Variants in DGCR8 observed in about 807,000 individuals in gnomAD.
DGCR8 encodes DGCR8 microprocessor complex subunit.
A neutral mutation model predicts 78.5 loss-of-function variants in DGCR8; 14 were observed. The observed-to-expected ratio is 0.18, with a 90% confidence interval of 0.12 to 0.28. DGCR8 has a LOEUF of 0.28. Ranked by LOEUF, DGCR8 falls within the 10% of genes least tolerant of loss-of-function variation. The pLI is 1.00. For missense variants in DGCR8, 702 were observed against 1,022.5 expected (o/e 0.69, Z 4.28); for synonymous variants, 399 against 402.4 (o/e 0.99, Z 0.10).
intron 11 of DGCR8, chr22:20,106,963 C>T (rs539408677): frequency 3.5e-6 from 2 of 575,198 alleles, no homozygotes; most frequent in African/African-American, 1.9e-5. Flanking sequence ...CCTCCTCGAA[C>T]AGCCAGCAGA....
chr22:20,090,862 A>C (rs1047447105), intron 5 of DGCR8, among the ~76,000 whole-genome samples: 1 of 152,046 alleles, frequency 6.6e-6, no homozygotes, highest in Non-Finnish European at 1.5e-5. Context: ...CTAGGTTTCT[A>C]TTTGTCTGTA....
chr22:20,096,633 A>C, intron 9 of DGCR8: 1 of 256,318 alleles, frequency 3.9e-6, no homozygotes, highest in Non-Finnish European at 6.1e-6. Flanking sequence ...AGAGTATCTC[A>C]ACACCCCCAA....
chr22:20,107,514 C>T (rs2049784887), intron 12 of DGCR8, 116 bp downstream of exon 12: 3 of 1,336,454 alleles, frequency 2.2e-6, no homozygotes, highest in Non-Finnish European at 3.1e-6. Flanking sequence ...CTCACAGCTG[C>T]CTCTCTCCTG....
chr22:20,106,347 G>A (rs755214472), intron 10 of DGCR8, 70 bp downstream of exon 10: 8 of 1,352,546 alleles, frequency 5.9e-6, no homozygotes, highest in Non-Finnish European at 8.4e-6. Flanking sequence ...TCATATTCTT[G>A]TGGCTGTTTG....
chr22:20,086,984 G>C lies in DGCR8; in HGVS notation c.721-178G>C. ...TGTGTGCCCCTGGACCAGGTGTGTT[G>C]GTGTCAGCTGGTAGCTTCATCCTGT... On this transcript the variant is annotated intron_variant, in intron 2 of 13. Transcript: ENST00000351989. The surrounding 1 kb of genome is among the most constrained non-coding windows in gnomAD (Gnocchi z 6.4). 1 of 836,932 alleles carries C rather than the reference G, an allele frequency of 1.2e-6. No individual in the cohort carries two copies. Among genetic ancestry groups the C allele is most frequent in the African/African-American group, 1.7e-5 (1 of 58,710 alleles). The allele number at this position is 836,932 out of a possible 1,614,324, so 51.8% of individuals were successfully genotyped here.
At chr22:20,092,101 C>T (rs1337882805) in intron 7 of DGCR8, 131 bp downstream of exon 7, 8 of 712,666 alleles carry the variant, frequency 1.1e-5, no homozygotes, top group African/African-American at 1.1e-4. Context: ...TAGAGAGCAG[C>T]GTGCTGCAGA....
rs201262780 is a variant in DGCR8 at position 20,106,688 on chromosome 22, G to A, written c.1986G>A (p.Val662=). 1.2e-6 allele frequency: 2 copies of A among 1,613,414 alleles called. No homozygotes were observed. The highest frequency in any genetic ancestry group is 1.1e-5 in the South Asian group (1 of 91,070). ...EYVMACGKHT[V]RGWCKNKRVG... is the part of the protein sequence containing the mutation. ...TCATGGCGTGTGGCAAGCACACAGT[G>A]CGCGGGTGGTGTAAGGACTCCTTCT... The change falls in exon 11 of 14, where the codon GTG becomes GTA. Residue 662 remains valine, a synonymous_variant. Transcript: ENST00000351989.
intron 9 of DGCR8, among the ~76,000 whole-genome samples, chr22:20,098,598 C>G (rs551823111): frequency 7.2e-5 from 11 of 152,288 alleles, no homozygotes; most frequent in Middle Eastern, 3.4e-3. Context: ...GCTAGGGATA[C>G]TGTAACAAAG....
chr22:20,106,189 A>G lies in DGCR8; in HGVS notation c.1801A>G (p.Ile601Val), dbSNP rs759564336. The change falls in exon 10 of 14, where the codon ATC becomes GTC. Residue 601 changes from isoleucine (I) to valine (V), a missense_variant. Physicochemically the swap from Ile to Val is conservative, Grantham distance 29. This residue lies in a region of DGCR8 where 225 missense variants were observed against 427.7 expected (regional missense o/e 0.53). Transcript: ENST00000351989. ...CTTTGTGTTGTAGTATTTTAACCAC[A>G]TCAGCATCGAGGACTCGCGGGTCTA... is the stretch of plus-strand genomic sequence containing the variant. ...DSEELEYFNHISIEDSRVYEL... is the reference protein window; with the variant it reads ...DSEELEYFNHVSIEDSRVYEL... 1 of 1,614,046 alleles carries G rather than the reference A, an allele frequency of 6.2e-7. No homozygotes were observed. The highest frequency in any genetic ancestry group is 1.7e-5 in the Admixed American group (1 of 60,028).
chr22:20,094,762 T>C lies in DGCR8; in HGVS notation c.1755T>C (p.Ser585=). 6.2e-7 allele frequency: 1 copy of C among 1,614,104 alleles called. No homozygotes were observed. Among genetic ancestry groups the C allele is most frequent in the Non-Finnish European group, 8.5e-7 (1 of 1,179,986 alleles). The stretch of plus-strand genomic sequence containing the variant: ...TCCCTGACTTTGTTAAACAGACCTC[T>C]GAAGAGAAGCCCAAAGACAGTGAAG... The part of the protein sequence containing the change: ...ILIPDFVKQT[S]EEKPKDSEEL... Residue 585 remains serine, a synonymous_variant, in exon 9 of 14, where the codon TCT becomes TCC. Transcript: ENST00000351989.
chr22:20,083,735 G>A (rs190114243), intron 1 of DGCR8, among the ~76,000 whole-genome samples: 144 of 152,232 alleles, frequency 9.5e-4, no homozygotes, highest in African/African-American at 3.2e-3. Context: ...TCTGAGGTGT[G>A]TGGCCCTGGT....
chr22:20,107,293 G>A lies in DGCR8; in HGVS notation c.2019G>A (p.Lys673=). ...TAGGTAAGAACAAGAGAGTTGGAAA[G>A]CAGTTAGCCTCACAGAAGATCCTTC... The part of the protein sequence containing the change: ...RGWCKNKRVG[K]QLASQKILQL... The change falls in exon 12 of 14, where the codon AAG becomes AAA. Residue 673 remains lysine, a synonymous_variant. Transcript: ENST00000351989. 6.2e-7 allele frequency: 1 copy of A among 1,614,176 alleles called. No individual in the cohort carries two copies. The highest frequency in any genetic ancestry group is 8.5e-7 in the Non-Finnish European group (1 of 1,180,016).
intron 9 of DGCR8, among the ~76,000 whole-genome samples, chr22:20,102,657 T>C (rs529059181): frequency 5.9e-5 from 9 of 152,302 alleles, no homozygotes; most frequent in African/African-American, 2.2e-4. Context: ...TGTGTCTGTT[T>C]TGGGGCTGTC....
chr22:20,101,865 C>T lies in DGCR8; in HGVS notation c.1789-4312C>T, dbSNP rs998892924. The T allele has an allele frequency of 3.0e-6, 3 of 985,178 alleles. No individual in the cohort carries two copies. In the African/African-American group the frequency reaches 5.2e-5, roughly 17 times the overall value. 61.0% of individuals were successfully genotyped at this position (985,178 alleles called of 1,614,324 possible). A position where few individuals can be genotyped will look rare whatever the true frequency, so the allele number is the denominator to read the frequency against. ...GGGTAGTATCCCCTCCTTGTGTGGA[C>T]TCCGGAGGTGGGGTTGACATGTCAG... On this transcript the variant is annotated intron_variant, in intron 9 of 13. Transcript: ENST00000351989.
At chr22:20,088,035 T>TCAGGCTCACAGGTGAGACC (rs1477526043) in intron 3 of DGCR8, among the ~76,000 whole-genome samples, 1 of 152,028 alleles carries the variant, frequency 6.6e-6, no homozygotes, top group Non-Finnish European at 1.5e-5. Context: ...GCACGGGGAC[T>TCAGGCTCACAGGTGAGACC]CAGGCTCACA....
In DGCR8 at chr22:20,085,635, G is replaced by T; in HGVS notation, c.-277-52G>T. 1.6e-6 allele frequency: 2 copies of T among 1,270,832 alleles called. No individual in the cohort carries two copies. The highest frequency in any genetic ancestry group is 3.1e-5 in the South Asian group (1 of 31,968). The allele number at this position is 1,270,832 out of a possible 1,614,324, so 78.7% of individuals were successfully genotyped here. ...GCTTGGCTTTTAACTTGGTACCAGG[G>T]AATTGGAAGGTTTCTGTCATTTTGT... On this transcript the variant is annotated intron_variant, in intron 1 of 13. Transcript: ENST00000351989. This position sits in a 1 kb window ranked among gnomAD's most constrained non-coding sequence, Gnocchi z 6.2.
intron 3 of DGCR8, among the ~76,000 whole-genome samples, chr22:20,088,579 G>A (rs1022307190): frequency 8.5e-5 from 13 of 152,158 alleles, no homozygotes; most frequent in Non-Finnish European, 1.9e-4. Context: ...AAAGCTGGCA[G>A]GAGGCAGCTC....
intron 9 of DGCR8, among the ~76,000 whole-genome samples, chr22:20,095,674 G>T (rs1032983630): frequency 3.3e-5 from 5 of 152,162 alleles, no homozygotes; most frequent in Non-Finnish European, 5.9e-5. Context: ...GACGGTGTTG[G>T]GGGGCGGGGA....
rs556022010 is a variant in DGCR8, at chr22:20,101,108, G to A, written c.1789-5069G>A. 186 of 777,560 alleles carry A rather than the reference G, an allele frequency of 2.4e-4. 1 individual carries two copies. The African/African-American group carries it at 3.3e-3, about 14-fold the overall frequency. The allele number at this position is 777,560 out of a possible 1,614,324, so 48.2% of individuals were successfully genotyped here. A position where few individuals can be genotyped will look rare whatever the true frequency, so the allele number is the denominator to read the frequency against. ...TCCTCAGCATAAGCTCTGTGGTGGG[G>A]TCGTTTTGAATCACAAAAGACAAAC... On this transcript the variant is annotated intron_variant, in intron 9 of 13. Transcript: ENST00000351989.
Sources: gnomAD v4.1 joint callset for allele counts (sites outside exome capture counted in the v4.1 genomes callset) on GRCh38, gnomAD v4.1.1 for gene constraint, gnomAD v4.1.1 regional missense constraint, Gnocchi (gnomAD v3.1) non-coding constraint, MANE v1.5 for transcripts, NCBI Gene and HGNC (gene_info 2026-07-23, HGNC 2026-07-21) for gene names.